Variants in DSCAM observed in about 807,000 individuals in gnomAD.
The protein encoded by DSCAM is DS cell adhesion molecule, also known as cell adhesion molecule DSCAM.
Under a neutral mutation model 217.7 loss-of-function variants are expected in DSCAM, and 47 were observed. The observed-to-expected ratio is 0.22, with a 90% CI of 0.17 to 0.28. The LOEUF (loss-of-function observed/expected upper bound fraction) is 0.28, where lower values mean the gene tolerates loss of function less well. DSCAM is among the 10% of genes least tolerant of loss of function. The pLI is 1.00. For missense variants in DSCAM, 2,080 were observed against 2,618.3 expected, an observed-to-expected ratio of 0.79 and a Z score of 4.49; for synonymous variants, 1,056 against 1,015.3, an observed-to-expected ratio of 1.04 and a Z score of -0.76.
intron 27 of DSCAM, among the ~76,000 whole-genome samples, chr21:40,070,528 G>A (rs964084376): frequency 2.6e-5 from 4 of 152,202 alleles, no homozygotes; most frequent in African/African-American, 9.7e-5. Context: ...ACTTGGTAAC[G>A]AAAGCTCTAG....
intron 11 of DSCAM, among the ~76,000 whole-genome samples, chr21:40,207,670 A>C (rs1203310533): frequency 6.6e-6 from 1 of 152,188 alleles, no homozygotes; most frequent in East Asian, 1.9e-4. Context: ...CTATAATGTA[A>C]AGTCTCAGAA....
Position 40,084,001 on chromosome 21 carries a change from G to C in DSCAM, c.4138C>G (p.Pro1380Ala). The C allele has an allele frequency of 6.2e-7, 1 of 1,611,672 alleles. No individual in the cohort carries two copies. Among genetic ancestry groups the C allele is most frequent in the Non-Finnish European group, 8.5e-7 (1 of 1,179,220 alleles). ...IILNLQVQVP[P>A]DQPRLTVSKT... ...GAGACTGTAAGCCGAGGCTGATCTG[G>C]TGGAACTGGAGAGGAAACAGTTTTT... The change falls in exon 24 of 33, where the codon CCA becomes GCA. Residue 1380 changes from proline to alanine, a missense_variant. Physicochemically the swap from Pro to Ala is conservative, Grantham distance 27 (BLOSUM62 -1). Around this residue, in one of 5 missense-constraint regions of DSCAM, gnomAD observed 1,144 missense variants for 1,421.1 expected, o/e 0.81. Transcript: ENST00000400454.
intron 3 of DSCAM, among the ~76,000 whole-genome samples, chr21:40,543,184 C>T (rs1471563075): frequency 6.6e-6 from 1 of 152,146 alleles, no homozygotes; most frequent in Non-Finnish European, 1.5e-5. Context: ...TTCCTCTTCC[C>T]TCTGACAGTG....
At chr21:40,216,316 G>A (rs906652442) in intron 11 of DSCAM, among the ~76,000 whole-genome samples, 1 of 151,148 alleles carries the variant, frequency 6.6e-6, no homozygotes, top group Admixed American at 6.6e-5. Context: ...GTTTCAATAT[G>A]TTGCCCAGGC....
Position 40,661,885 on chromosome 21 carries a change from C to A in DSCAM, c.508+30925G>T, listed in dbSNP as rs528230924. 5.3e-5 allele frequency among the ~76,000 whole-genome samples: 8 copies of A among 152,188 alleles called. No individual in the cohort carries two copies. In the East Asian group the frequency reaches 1.5e-3, roughly 29 times the overall value. ...CTTTGAGCAAAAGTTCCCTGTTTGG[C>A]AAATAAGTGTAAATAATATAGTAAA... On this transcript the variant is annotated intron_variant, in intron 3 of 32. Transcript: ENST00000400454.
At chr21:40,679,694 T>C (rs2090379121) in intron 3 of DSCAM, among the ~76,000 whole-genome samples, 4 of 152,240 alleles carry the variant, frequency 2.6e-5, no homozygotes, top group Admixed American at 2.6e-4. Context: ...TGCCTTATTG[T>C]CATTTTATAT....
intron 8 of DSCAM, among the ~76,000 whole-genome samples, chr21:40,324,094 ACT>A (rs1491456611): frequency 2.1e-5 from 3 of 140,756 alleles, no homozygotes; most frequent in Non-Finnish European, 4.6e-5. Context: ...CAAGAGTGAA[ACT>A]CTGTCTCAAA....
chr21:40,596,782 G>A (rs1449080916), intron 3 of DSCAM, among the ~76,000 whole-genome samples: 1 of 151,940 alleles, frequency 6.6e-6, no homozygotes, highest in Non-Finnish European at 1.5e-5. Flanking sequence ...TGTGATCTAC[G>A]ACCTGACCAC....
Position 40,563,733 on chromosome 21 carries a change from T to C in DSCAM, c.508+129077A>G, listed in dbSNP as rs1050181548. On this transcript the variant is annotated intron_variant, in intron 3 of 32. Transcript: ENST00000400454. ...ATAGTTATGTTTATATATGTTTATATGTTTATATATAGTTATATGTTTATA... is the reference window on the plus strand; with the variant it reads ...ATAGTTATGTTTATATATGTTTATACGTTTATATATAGTTATATGTTTATA... 4.1e-5 allele frequency among the ~76,000 whole-genome samples: 6 copies of C among 147,204 alleles called. No individual in the cohort carries two copies. In the East Asian group the frequency reaches 1.2e-3, roughly 29 times the overall value.
intron 3 of DSCAM, among the ~76,000 whole-genome samples, chr21:40,533,924 T>C (rs1326231548): frequency 6.6e-6 from 1 of 152,244 alleles, no homozygotes; most frequent in Non-Finnish European, 1.5e-5. Context: ...CATTTGATTT[T>C]CTTTTAAATA....
chr21:40,307,754 TA>T (rs1569054813), intron 9 of DSCAM, among the ~76,000 whole-genome samples: 2 of 152,038 alleles, frequency 1.3e-5, no homozygotes, highest in Non-Finnish European at 2.9e-5. Flanking sequence ...TATGCAGCCA[TA>T]AAAAATGATG....
At chr21:40,555,628 T>G (rs981808202) in intron 3 of DSCAM, among the ~76,000 whole-genome samples, 1 of 152,104 alleles carries the variant, frequency 6.6e-6, no homozygotes, top group Non-Finnish European at 1.5e-5. Context: ...AACCAACGTT[T>G]TTTGTTGTTG....
chr21:40,295,516 G>T (rs192995257), intron 10 of DSCAM, among the ~76,000 whole-genome samples: 44 of 152,222 alleles, frequency 2.9e-4, no homozygotes, highest in Admixed American at 1.2e-3. Flanking sequence ...TGAGACAATC[G>T]CAATAGGACA....
chr21:40,304,939 T>C (rs1453233449), intron 9 of DSCAM, among the ~76,000 whole-genome samples: 3 of 152,102 alleles, frequency 2.0e-5, no homozygotes, highest in Non-Finnish European at 4.4e-5. Context: ...ATAATAATAA[T>C]GATAAAGTTT....
intron 3 of DSCAM, among the ~76,000 whole-genome samples, chr21:40,517,683 A>C (rs1219797344): frequency 2.0e-5 from 3 of 152,132 alleles, no homozygotes; most frequent in African/African-American, 4.8e-5. Context: ...AAGAACACAT[A>C]AATAGGAGCT....
intron 20 of DSCAM, among the ~76,000 whole-genome samples, chr21:40,123,654 C>T (rs2090059099): frequency 6.6e-6 from 1 of 151,972 alleles, no homozygotes; most frequent in Non-Finnish European, 1.5e-5. Context: ...AGGCTGACTG[C>T]TGTAACTGTA....
chr21:40,776,015 G>A (rs752235463), intron 1 of DSCAM, among the ~76,000 whole-genome samples: 2 of 152,122 alleles, frequency 1.3e-5, no homozygotes, highest in Non-Finnish European at 1.5e-5. Flanking sequence ...GTTTCTTTAT[G>A]AATATGTGCT....
Position 40,739,783 on chromosome 21 carries a change from T to G in DSCAM, c.44-31012A>C, listed in dbSNP as rs116788513. Among the ~76,000 whole-genome samples the G allele has an allele frequency of 1.8e-4, 10 of 56,996 alleles. No homozygotes were observed. The African/African-American group carries it at 1.8e-3, about 10-fold the overall frequency. The allele number at this position is 56,996 out of a possible 152,430, so 37.4% of individuals were successfully genotyped here. On this transcript the variant is annotated intron_variant, in intron 1 of 32. Transcript: ENST00000400454. Reference sequence around the variant, plus strand: ...ATCAGTTAAAACTTAGAGAATTAGTTTTTTTTTTTTTTTCCCCCAGAAAAG... The same window carrying G: ...ATCAGTTAAAACTTAGAGAATTAGTGTTTTTTTTTTTTTCCCCCAGAAAAG...
intron 1 of DSCAM, among the ~76,000 whole-genome samples, chr21:40,750,304 C>T (rs979676664): frequency 2.0e-5 from 3 of 152,212 alleles, no homozygotes; most frequent in African/African-American, 7.2e-5. Flanking sequence ...CTCCACTGAA[C>T]ATGCTCTTGC....
Sources: gnomAD v4.1 joint callset for allele counts (sites outside exome capture counted in the v4.1 genomes callset) on GRCh38, gnomAD v4.1.1 for gene constraint, gnomAD v4.1.1 regional missense constraint, MANE v1.5 for transcripts, NCBI Gene and HGNC (gene_info 2026-07-23, HGNC 2026-07-21) for gene names.